Variants in ADAMTS6 observed in about 807,000 individuals in gnomAD.
ADAMTS6 encodes ADAM metallopeptidase with thrombospondin type 1 motif 6.
A neutral mutation model predicts 144.3 loss-of-function variants in ADAMTS6; 23 were observed. The observed-to-expected ratio is 0.16, with a 90% CI of 0.11 to 0.23. The LOEUF (loss-of-function observed/expected upper bound fraction) is 0.23. ADAMTS6 is among the 10% of genes least tolerant of loss of function. ADAMTS6 has a pLI of 1.00. For missense variants in ADAMTS6, 999 were observed against 1,379.6 expected, an observed-to-expected ratio of 0.72 and a Z score of 4.37; for synonymous variants, 444 against 457.5, an observed-to-expected ratio of 0.97 and a Z score of 0.38.
At chr5:65,297,256 T>A (rs1437547159) in intron 10 of ADAMTS6, 1 of 456,052 alleles carries the variant, frequency 2.2e-6, no homozygotes, top group Non-Finnish European at 4.4e-6. Context: ...TGAAAAAAAA[T>A]ATTGGGAGTT....
At chr5:65,267,402 A>G (rs112220957) in intron 12 of ADAMTS6, among the ~76,000 whole-genome samples, 106 of 152,228 alleles carry the variant, frequency 7.0e-4, no homozygotes, top group African/African-American at 2.5e-3. Context: ...AAAGAAGTGA[A>G]GCCATCATAT....
At chr5:65,335,007 A>G (rs1747168112) in intron 7 of ADAMTS6, among the ~76,000 whole-genome samples, 1 of 152,206 alleles carries the variant, frequency 6.6e-6, no homozygotes, top group African/African-American at 2.4e-5. Context: ...CACAAACTAC[A>G]GGGAAATTCA....
chr5:65,174,925 A>G (rs1377152309), intron 22 of ADAMTS6, among the ~76,000 whole-genome samples: 1 of 152,142 alleles, frequency 6.6e-6, no homozygotes, highest in East Asian at 1.9e-4. Context: ...TGGTGTTACT[A>G]TGACACCAGG....
chr5:65,352,592 T>G lies in ADAMTS6; in HGVS notation c.1074-18507A>C, dbSNP rs1748961631. Among the ~76,000 whole-genome samples, 3 of 151,988 alleles carry G rather than the reference T, an allele frequency of 2.0e-5. No individual in the cohort carries two copies. The South Asian group carries it at 6.2e-4, about 32-fold the overall frequency. On this transcript the variant is annotated intron_variant, in intron 7 of 24. Coordinates refer to ENST00000381055, the MANE Select transcript of ADAMTS6 (RefSeq NM_197941.4). ...AAATATAATTCATGGCCAAACAAAA[T>G]TTAGAATAGATCAGATGACTCTAAA... is the stretch of plus-strand genomic sequence containing the variant.
chr5:65,410,545 CTT>C (rs201242132), intron 7 of ADAMTS6, among the ~76,000 whole-genome samples: 4,306 of 152,160 alleles, frequency 0.028, 207 homozygotes, highest in African/African-American at 0.097. Context: ...AATCTACTCT[CTT>C]TTATACCATT....
chr5:65,433,064 A>G (rs967151639), intron 7 of ADAMTS6, among the ~76,000 whole-genome samples: 1 of 152,140 alleles, frequency 6.6e-6, no homozygotes, highest in Non-Finnish European at 1.5e-5. Context: ...ATATCATTAT[A>G]CATGCACTGC....
chr5:65,383,875 C>G (rs1322225015), intron 7 of ADAMTS6, among the ~76,000 whole-genome samples: 1 of 152,194 alleles, frequency 6.6e-6, no homozygotes, highest in African/African-American at 2.4e-5. Context: ...GGTACCCATA[C>G]CACCACAGTT....
At position 65,215,501 on chromosome 5, in the gene ADAMTS6, C is replaced by A. The variant is rs756265325; in HGVS notation, c.2273-14G>T. ...CAGATTTTAAAGCTAGAAAACAAAT[C>A]ACAATTCACCTAAAAATGTGAAATT... is the stretch of plus-strand genomic sequence containing the variant. On this transcript the variant is annotated splice_polypyrimidine_tract_variant and intron_variant, in intron 18 of 24. Coordinates refer to ENST00000381055, the MANE Select transcript of ADAMTS6 (RefSeq NM_197941.4). 1 of 1,594,008 alleles carries A rather than the reference C, an allele frequency of 6.3e-7. No individual in the cohort carries two copies. The highest frequency in any genetic ancestry group is 1.1e-5 in the South Asian group (1 of 87,382).
chr5:65,414,653 C>T (rs1755349545), intron 7 of ADAMTS6, among the ~76,000 whole-genome samples: 1 of 152,092 alleles, frequency 6.6e-6, no homozygotes, highest in African/African-American at 2.4e-5. Flanking sequence ...AAAGGAATTT[C>T]TGGGCATTTG....
intron 11 of ADAMTS6, among the ~76,000 whole-genome samples, chr5:65,275,365 A>AG (rs575784992): frequency 1.2e-5 from 1 of 80,240 alleles, no homozygotes; most frequent in African/African-American, 4.5e-5. Context: ...GAAAGAAAGA[A>AG]AGAAAGAAAG....
At chr5:65,382,851 A>G (rs560880754) in intron 7 of ADAMTS6, among the ~76,000 whole-genome samples, 1 of 152,332 alleles carries the variant, frequency 6.6e-6, no homozygotes, top group East Asian at 1.9e-4. Context: ...AAAATACCTT[A>G]AACAGGGTAA....
At chr5:65,285,180 C>T (rs1452315622) in intron 11 of ADAMTS6, among the ~76,000 whole-genome samples, 1 of 152,142 alleles carries the variant, frequency 6.6e-6, no homozygotes, top group Non-Finnish European at 1.5e-5. Context: ...ATGTTATTTT[C>T]TGGCATCTTG....
intron 7 of ADAMTS6, among the ~76,000 whole-genome samples, chr5:65,396,795 A>G (rs1309745114): frequency 6.6e-6 from 1 of 152,240 alleles, no homozygotes; most frequent in Non-Finnish European, 1.5e-5. Flanking sequence ...ATTGGTCTGC[A>G]TAAGACATTT....
chr5:65,173,915 T>C (rs1753779370), intron 22 of ADAMTS6, among the ~76,000 whole-genome samples: 1 of 151,286 alleles, frequency 6.6e-6, no homozygotes, highest in Non-Finnish European at 1.5e-5. Flanking sequence ...CCCAGCTACT[T>C]GGGAGGCTGA....
At chr5:65,334,327 G>C (rs1747098461) in intron 7 of ADAMTS6, among the ~76,000 whole-genome samples, 1 of 152,136 alleles carries the variant, frequency 6.6e-6, no homozygotes, top group Admixed American at 6.6e-5. Context: ...AGGTTAAAGT[G>C]GATTTTTGTA....
chr5:65,159,098 T>A (rs1752598452), intron 24 of ADAMTS6, among the ~76,000 whole-genome samples: 1 of 152,132 alleles, frequency 6.6e-6, no homozygotes, highest in South Asian at 2.1e-4. Flanking sequence ...ATCTCTCATC[T>A]CCATGTCTAA....
At chr5:65,355,798 T>C (rs375280661) in intron 7 of ADAMTS6, among the ~76,000 whole-genome samples, 13 of 152,038 alleles carry the variant, frequency 8.6e-5, no homozygotes, top group African/African-American at 2.9e-4. Context: ...AGAGTTTGTA[T>C]ATTATAATTG....
intron 7 of ADAMTS6, among the ~76,000 whole-genome samples, chr5:65,409,540 C>T (rs995061796): frequency 5.9e-5 from 9 of 152,180 alleles, no homozygotes; most frequent in East Asian, 3.9e-4. Context: ...CAGGACCAGA[C>T]AGATTCACAG....
chr5:65,323,963 T>C (rs1310617996), intron 9 of ADAMTS6, among the ~76,000 whole-genome samples: 3 of 152,078 alleles, frequency 2.0e-5, no homozygotes, highest in East Asian at 3.8e-4. Flanking sequence ...TTTGATGGGG[T>C]TGTTTGTTTT....
Sources: gnomAD v4.1 joint callset for allele counts (sites outside exome capture counted in the v4.1 genomes callset) on GRCh38, gnomAD v4.1.1 for gene constraint, MANE v1.5 for transcripts, NCBI Gene and HGNC (gene_info 2026-07-23, HGNC 2026-07-21) for gene names.